SEMA3A: variants seen among roughly 807,000 people sequenced by gnomAD.
The protein encoded by SEMA3A is semaphorin 3A.
In SEMA3A, 29 loss-of-function variants were observed where a neutral mutation model predicts 97.9. The observed-to-expected ratio is 0.30, with a 90% confidence interval of 0.22 to 0.40. The LOEUF (loss-of-function observed/expected upper bound fraction) is 0.40, where lower values mean the gene tolerates loss of function less well. Ranked by LOEUF, SEMA3A falls within the 10% of genes least tolerant of loss-of-function variation. SEMA3A has a pLI of 1.00. For synonymous variants in SEMA3A, 321 were observed against 323.7 expected, an observed-to-expected ratio of 0.99 and a Z score of 0.09; for missense variants, 763 against 951.3, an observed-to-expected ratio of 0.80 and a Z score of 2.60.
intron 1 of SEMA3A, among the ~76,000 whole-genome samples, chr7:84,403,353 G>A (rs1329277379): frequency 6.6e-6 from 1 of 152,228 alleles, no homozygotes; most frequent in African/African-American, 2.4e-5. Flanking sequence ...TGGGGGAGGG[G>A]CACCTGCCAT....
rs1237345384 is a variant in SEMA3A at position 84,125,463 on chromosome 7, TG to T, written c.333+3659del. On this transcript the variant is annotated intron_variant, in intron 3 of 16. Coordinates refer to ENST00000265362, the MANE Select transcript of SEMA3A (RefSeq NM_006080.3). ...TCTTTGAAAGTATTCTTGACCAGCC[TG>T]GCCAACATGGCAAAACCCTGTCTCT... Among the ~76,000 whole-genome samples the T allele has an allele frequency of 4.6e-5, 7 of 152,338 alleles. No individual in the cohort carries two copies. In the East Asian group the frequency reaches 1.2e-3, roughly 25 times the overall value.
intron 1 of SEMA3A, among the ~76,000 whole-genome samples, chr7:84,410,019 G>A (rs1285950500): frequency 6.6e-6 from 1 of 151,932 alleles, no homozygotes; most frequent in African/African-American, 2.4e-5. Flanking sequence ...GATCACGTAG[G>A]GAGTAGCATT....
At chr7:84,323,636 A>G (rs903723658) in intron 2 of SEMA3A, among the ~76,000 whole-genome samples, 2 of 152,170 alleles carry the variant, frequency 1.3e-5, no homozygotes, top group African/African-American at 4.8e-5. Context: ...CATGCTAAAT[A>G]TGACCCCTTC....
chr7:84,146,542 TACAAAATAACTA>T (rs1796468214), intron 1 of SEMA3A, among the ~76,000 whole-genome samples: 1 of 152,192 alleles, frequency 6.6e-6, no homozygotes, highest in African/African-American at 2.4e-5. Context: ...GCAAACAATT[TACAAAATAACTA>T]ATGAGCAATA....
At chr7:84,146,505 C>A (rs1022815935) in intron 1 of SEMA3A, among the ~76,000 whole-genome samples, 2 of 151,884 alleles carry the variant, frequency 1.3e-5, no homozygotes, top group Non-Finnish European at 2.9e-5. Flanking sequence ...GCCTTTTGCA[C>A]AAGAATATAG....
intron 12 of SEMA3A, among the ~76,000 whole-genome samples, chr7:83,997,490 A>G (rs1790268115): frequency 6.6e-6 from 1 of 152,186 alleles, no homozygotes; most frequent in African/African-American, 2.4e-5. Context: ...CTGATAGAAT[A>G]GAATGTTGAA....
intron 5 of SEMA3A, among the ~76,000 whole-genome samples, chr7:84,052,711 C>T (rs1792739365): frequency 6.6e-6 from 1 of 151,606 alleles, no homozygotes; most frequent in African/African-American, 2.4e-5. Context: ...TCTCTATTTC[C>T]TTCAGTTCTG....
At chr7:84,076,873 A>C (rs1793970262) in intron 4 of SEMA3A, among the ~76,000 whole-genome samples, 1 of 152,266 alleles carries the variant, frequency 6.6e-6, no homozygotes, top group Non-Finnish European at 1.5e-5. Context: ...GGGTTCCCCC[A>C]AAAAACATTG....
intron 4 of SEMA3A, among the ~76,000 whole-genome samples, chr7:84,074,448 G>C (rs1289163640): frequency 6.6e-6 from 1 of 152,046 alleles, no homozygotes; most frequent in Non-Finnish European, 1.5e-5. Flanking sequence ...AATAAAGAAA[G>C]TATAATTTTC....
At chr7:83,996,999 C>T (rs2116372155) in intron 12 of SEMA3A, among the ~76,000 whole-genome samples, 1 of 152,176 alleles carries the variant, frequency 6.6e-6, no homozygotes, top group Admixed American at 6.5e-5. Context: ...TAACTGAAAC[C>T]ACTGGAATGT....
chr7:84,009,923 A>C (rs1213171429), intron 9 of SEMA3A, among the ~76,000 whole-genome samples: 1 of 150,784 alleles, frequency 6.6e-6, no homozygotes, highest in Non-Finnish European at 1.5e-5. Flanking sequence ...AAAAAAAAAA[A>C]AAAAACCCAG....
rs10523978 is a variant in SEMA3A, at chr7:84,429,516, T to TTATATATATATATATATATATATA, written c.-245-57640_-245-57617dup. Among the ~76,000 whole-genome samples the TTATATATATATATATATATATATA allele has an allele frequency of 3.0e-3, 215 of 72,278 alleles. 2 individuals are homozygous for TTATATATATATATATATATATATA. The highest frequency in any genetic ancestry group is 9.2e-3 in the East Asian group (18 of 1,964). 47.4% of individuals were successfully genotyped at this position (72,278 alleles called of 152,430 possible). ...TTGCATTAGTAAAATATAGAGTTTG[T>TTATATATATATATATATATATATA]TATATATATATATATATATATATAT... On this transcript the variant is annotated intron_variant, in intron 1 of 3. Coordinates refer to the SEMA3A transcript ENST00000424555.
At chr7:84,136,283 C>T (rs1321166023) in intron 1 of SEMA3A, among the ~76,000 whole-genome samples, 1 of 152,158 alleles carries the variant, frequency 6.6e-6, no homozygotes, top group Non-Finnish European at 1.5e-5. Context: ...CATATATTAG[C>T]CATGTGATTG....
At chr7:84,282,194 T>C (rs1800455056) in intron 3 of SEMA3A, among the ~76,000 whole-genome samples, 1 of 152,162 alleles carries the variant, frequency 6.6e-6, no homozygotes, top group South Asian at 2.1e-4. Context: ...AGTAAATTCA[T>C]GATTTTTAGT....
intron 2 of SEMA3A, among the ~76,000 whole-genome samples, chr7:84,349,839 C>G (rs1040267203): frequency 1.3e-5 from 2 of 152,024 alleles, no homozygotes; most frequent in Non-Finnish European, 1.5e-5. Context: ...AATCTCTAGA[C>G]TTTCTCATAT....
intron 1 of SEMA3A, among the ~76,000 whole-genome samples, chr7:84,466,631 T>C (rs1213483991): frequency 6.6e-6 from 1 of 152,230 alleles, no homozygotes; most frequent in Non-Finnish European, 1.5e-5. Flanking sequence ...CGTATTAGCA[T>C]ATAAATCTCC....
At chr7:84,231,920 C>CCTTGGTTCTTAAA (rs1799124792) in intron 3 of SEMA3A, among the ~76,000 whole-genome samples, 1 of 151,664 alleles carries the variant, frequency 6.6e-6, no homozygotes, top group Non-Finnish European at 1.5e-5. Context: ...GAATGCTTAG[C>CCTTGGTTCTTAAA]CTTGGTTCTT....
chr7:83,974,293 A>G (rs894926570), intron 15 of SEMA3A, among the ~76,000 whole-genome samples: 3 of 152,146 alleles, frequency 2.0e-5, no homozygotes, highest in African/African-American at 7.2e-5. Context: ...CTTTACATAT[A>G]AGGGAGCAGA....
At chr7:84,229,587 T>C (rs1409514927) in intron 3 of SEMA3A, among the ~76,000 whole-genome samples, 3 of 152,116 alleles carry the variant, frequency 2.0e-5, no homozygotes, top group African/African-American at 7.2e-5. Context: ...CTATAGTTTT[T>C]CAGTGTCTTC....
Sources: allele counts gnomAD v4.1 joint callset (sites outside exome capture counted in the v4.1 genomes callset), GRCh38; gene constraint gnomAD v4.1.1; transcripts MANE v1.5; gene names NCBI Gene and HGNC (gene_info 2026-07-23, HGNC 2026-07-21).